BMPR1B: variants seen among roughly 807,000 people sequenced by gnomAD.
BMPR1B encodes bone morphogenetic protein receptor type-1B.
Under a neutral mutation model 59.1 loss-of-function variants are expected in BMPR1B, and 12 were observed. That is an observed-to-expected ratio of 0.20 (90% CI 0.13 to 0.33). The LOEUF (loss-of-function observed/expected upper bound fraction) is 0.33, where lower values mean the gene tolerates loss of function less well. BMPR1B is among the 10% of genes least tolerant of loss of function. The pLI is 1.00. For missense variants in BMPR1B, 550 were observed against 610.9 expected, an observed-to-expected ratio of 0.90 and a Z score of 1.05; for synonymous variants, 237 against 207.3, an observed-to-expected ratio of 1.14 and a Z score of -1.23.
chr4:94,938,035 T>C lies in BMPR1B; in HGVS notation c.-112-58005T>C, dbSNP rs186255030. On this transcript the variant is annotated intron_variant, in intron 2 of 12. Transcript: ENST00000515059. The stretch of plus-strand genomic sequence containing the variant: ...GCACCAAAAATAAAATCAAGGAAAA[T>C]AGAACACTGAATGAAAGTTGAGGTA... Among the ~76,000 whole-genome samples the C allele has an allele frequency of 3.3e-5, 5 of 152,234 alleles. No individual in the cohort carries two copies. In the East Asian group the frequency reaches 5.8e-4, roughly 18 times the overall value.
intron 2 of BMPR1B, among the ~76,000 whole-genome samples, chr4:94,921,198 T>C (rs924192551): frequency 6.6e-6 from 1 of 152,096 alleles, no homozygotes; most frequent in Non-Finnish European, 1.5e-5. Context: ...AACAGGATAT[T>C]TTTGAGGTAC....
intron 1 of BMPR1B, among the ~76,000 whole-genome samples, chr4:94,795,959 G>C (rs540946624): frequency 7.1e-6 from 1 of 141,842 alleles, no homozygotes; most frequent in Admixed American, 6.9e-5. Context: ...CTTTACGTAA[G>C]CTTTTTTTAA....
At chr4:95,128,513 TGAA>T (rs1010254813) in intron 8 of BMPR1B, among the ~76,000 whole-genome samples, 2 of 152,178 alleles carry the variant, frequency 1.3e-5, no homozygotes, top group African/African-American at 4.8e-5. Context: ...ACAGATGTGA[TGAA>T]GATCATATAT....
At chr4:95,150,658 T>C (rs1734974767) in intron 11 of BMPR1B, among the ~76,000 whole-genome samples, 1 of 152,214 alleles carries the variant, frequency 6.6e-6, no homozygotes, top group Admixed American at 6.5e-5. Flanking sequence ...TATTCTCAGC[T>C]TAAAAACAAA....
At chr4:94,933,482 G>A (rs957105242) in intron 2 of BMPR1B, among the ~76,000 whole-genome samples, 11 of 151,990 alleles carry the variant, frequency 7.2e-5, no homozygotes, top group African/African-American at 2.7e-4. Flanking sequence ...TTGAGTCTGG[G>A]GGAAATGAGA....
intron 10 of BMPR1B, among the ~76,000 whole-genome samples, chr4:95,143,938 TTTTAC>T (rs2149319642): frequency 6.6e-6 from 1 of 152,234 alleles, no homozygotes; most frequent in South Asian, 2.1e-4. Context: ...TTGAAGATGT[TTTTAC>T]TGGAGATTGT....
chr4:94,902,247 CACAGAGAGAGAGAGAGAG>C (rs774449287), intron 2 of BMPR1B, among the ~76,000 whole-genome samples: 46 of 84,784 alleles, frequency 5.4e-4, no homozygotes, highest in African/African-American at 1.9e-3. Context: ...CACACACACA[CACAGAGAGAGAGAGAGAG>C]AGAGAGAGAG....
intron 10 of BMPR1B, among the ~76,000 whole-genome samples, chr4:95,141,920 T>G (rs910118451): frequency 4.6e-5 from 7 of 152,230 alleles, no homozygotes; most frequent in Non-Finnish European, 1.0e-4. Context: ...ACTGAATTTC[T>G]TGAGTCTTGC....
At chr4:95,031,563 A>G (rs4391041) in intron 3 of BMPR1B, among the ~76,000 whole-genome samples, 37,593 of 151,648 alleles carry the variant, frequency 0.25, 5,972 homozygotes, top group African/African-American at 0.46. Context: ...GACTCAAGCA[A>G]TTCTCCCACC....
chr4:95,021,540 T>C (rs1723979523), intron 3 of BMPR1B, among the ~76,000 whole-genome samples: 1 of 152,240 alleles, frequency 6.6e-6, no homozygotes, highest in South Asian at 2.1e-4. Context: ...TACAGCTAAA[T>C]AAATGCTGAT....
At position 95,131,099 on chromosome 4, in the gene BMPR1B, A is replaced by T. The variant is rs1733320806; in HGVS notation, c.779-116A>T. 2.8e-6 allele frequency: 3 copies of T among 1,084,050 alleles called. No homozygotes were observed. The African/African-American group carries it at 4.7e-5, about 17-fold the overall frequency. 67.2% of individuals were successfully genotyped at this position (1,084,050 alleles called of 1,614,324 possible). A position where few individuals can be genotyped will look rare whatever the true frequency, so the allele number is the denominator to read the frequency against. Reference sequence around the variant, plus strand: ...AATACCATCATAGGCATAGTCAGGAAATTGAATGAAATGCTAAACAAAAAT... The same window carrying T: ...AATACCATCATAGGCATAGTCAGGATATTGAATGAAATGCTAAACAAAAAT... On this transcript the variant is annotated intron_variant, in intron 9 of 12. Transcript: ENST00000515059.
At chr4:95,116,769 A>G (rs541089247) in intron 6 of BMPR1B, among the ~76,000 whole-genome samples, 1 of 152,020 alleles carries the variant, frequency 6.6e-6, no homozygotes, top group South Asian at 2.1e-4. Context: ...GCACACCACC[A>G]CACCCAGCTA....
intron 3 of BMPR1B, among the ~76,000 whole-genome samples, chr4:95,025,396 G>T (rs1436532155): frequency 1.3e-5 from 2 of 152,154 alleles, no homozygotes; most frequent in Non-Finnish European, 2.9e-5. Flanking sequence ...GGACACAGTG[G>T]AGTTAATAGA....
chr4:94,789,604 AAAAT>A (rs1269232589), intron 1 of BMPR1B, among the ~76,000 whole-genome samples: 2 of 152,228 alleles, frequency 1.3e-5, no homozygotes, highest in Admixed American at 6.5e-5. Flanking sequence ...AAATAAACAT[AAAAT>A]AAATAAGTAA....
chr4:94,893,508 A>T lies in BMPR1B; in HGVS notation c.-113+17608A>T, dbSNP rs973710293. Among the ~76,000 whole-genome samples the T allele has an allele frequency of 3.9e-5, 6 of 152,050 alleles. No individual in the cohort carries two copies. In the East Asian group the frequency reaches 5.8e-4, roughly 15 times the overall value. On this transcript the variant is annotated intron_variant, in intron 2 of 12. Transcript: ENST00000515059. Reference sequence around the variant, plus strand: ...TATGACTTCTCTTGTTCTTTTTTTTAAAAATTTCACAAATTTGGGACACAC... The same window carrying T: ...TATGACTTCTCTTGTTCTTTTTTTTTAAAATTTCACAAATTTGGGACACAC...
rs114180660 is a variant in BMPR1B, at chr4:94,997,262, A to G, written c.-18+1128A>G. On this transcript the variant is annotated intron_variant, in intron 3 of 12. Transcript: ENST00000515059. ...GTACTACATATTTAAGTTAAAAACA[A>G]AAATGAGATTGATGCTGCTGTAGAG... Among the ~76,000 whole-genome samples, 1,069 of 152,328 alleles carry G rather than the reference A, an allele frequency of 7.0e-3. 10 individuals are homozygous for G. Among genetic ancestry groups the G allele is most frequent in the African/African-American group, 0.023 (955 of 41,572 alleles).
chr4:95,079,757 A>G (rs1381017229), intron 3 of BMPR1B, among the ~76,000 whole-genome samples: 1 of 151,942 alleles, frequency 6.6e-6, no homozygotes, highest in Non-Finnish European at 1.5e-5. Flanking sequence ...AAAAAAAAAA[A>G]CATGCAGAAG....
chr4:95,139,704 C>A (rs1248292775), intron 10 of BMPR1B, among the ~76,000 whole-genome samples: 1 of 151,622 alleles, frequency 6.6e-6, no homozygotes, highest in Admixed American at 6.6e-5. Context: ...GGCGTGGGAC[C>A]CTCCGAGCCG....
intron 2 of BMPR1B, among the ~76,000 whole-genome samples, chr4:94,940,858 T>C (rs1479764420): frequency 6.6e-6 from 1 of 152,208 alleles, no homozygotes; most frequent in African/African-American, 2.4e-5. Context: ...GCATAGACTT[T>C]TAACTGGTTT....
Sources: allele counts gnomAD v4.1 joint callset (sites outside exome capture counted in the v4.1 genomes callset), GRCh38; gene constraint gnomAD v4.1.1; transcripts MANE v1.5; gene names NCBI Gene and HGNC (gene_info 2026-07-23, HGNC 2026-07-21).